DIS3L2: variants seen among roughly 807,000 people sequenced by gnomAD.
DIS3L2 encodes DIS3-like exonuclease 2.
A neutral mutation model predicts 97.5 loss-of-function variants in DIS3L2; 34 were observed. That is an observed-to-expected ratio of 0.35 (90% CI 0.27 to 0.46). The LOEUF (loss-of-function observed/expected upper bound fraction) is 0.46. Among genes scored for constraint, DIS3L2 ranks in the 20% least tolerant of loss-of-function variants. The pLI is 1.00. For missense variants in DIS3L2, 1,038 were observed against 1,146.0 expected (o/e 0.91, Z 1.36); for synonymous variants, 435 against 445.2 (o/e 0.98, Z 0.29).
chr2:232,087,280 C>G (rs1466940217), intron 5 of DIS3L2, among the ~76,000 whole-genome samples: 1 of 152,134 alleles, frequency 6.6e-6, no homozygotes. Context: ...TCCTGAAGAG[C>G]TGAGTGTCAG....
At chr2:232,050,013 G>C (rs1695355073) in intron 5 of DIS3L2, among the ~76,000 whole-genome samples, 1 of 152,174 alleles carries the variant, frequency 6.6e-6, no homozygotes, top group South Asian at 2.1e-4. Flanking sequence ...CACTAGTGAT[G>C]TGGATTCTGC....
intron 1 of DIS3L2, among the ~76,000 whole-genome samples, chr2:231,989,864 G>T (rs1271905265): frequency 2.0e-5 from 3 of 152,062 alleles, no homozygotes; most frequent in Admixed American, 6.6e-5. Context: ...ACAACAAAAA[G>T]ATAAGATGTA....
intron 9 of DIS3L2, among the ~76,000 whole-genome samples, chr2:232,185,057 TCTCTCTGATGGGTAGC>T (rs1691398684): frequency 6.6e-6 from 1 of 152,212 alleles, no homozygotes; most frequent in East Asian, 1.9e-4. Context: ...TATGACTCTG[TCTCTCTGATGGGTAGC>T]AAAGTTCTCA....
intron 12 of DIS3L2, among the ~76,000 whole-genome samples, chr2:232,255,510 A>G (rs117444948): frequency 1.3e-5 from 2 of 152,324 alleles, no homozygotes; most frequent in East Asian, 3.9e-4. Flanking sequence ...AACACTCACA[A>G]GAAAATCTTG....
chr2:232,219,446 C>G (rs1256988053), intron 10 of DIS3L2, among the ~76,000 whole-genome samples: 1 of 152,144 alleles, frequency 6.6e-6, no homozygotes, highest in Non-Finnish European at 1.5e-5. Context: ...CCATGTACTT[C>G]TGTCCTTGTT....
At chr2:232,081,289 C>A (rs150173399) in intron 5 of DIS3L2, among the ~76,000 whole-genome samples, 2 of 152,194 alleles carry the variant, frequency 1.3e-5, no homozygotes, top group African/African-American at 4.8e-5. Context: ...CTGGTCCATC[C>A]ATTATAAAAC....
intron 1 of DIS3L2, among the ~76,000 whole-genome samples, chr2:231,962,144 C>A (rs139218741): frequency 6.4e-4 from 98 of 152,194 alleles, no homozygotes; most frequent in East Asian, 3.9e-3. Flanking sequence ...GGGTCTTGAT[C>A]GAGATGTTCA....
rs1379833839 is a variant in DIS3L2, at chr2:232,343,178, C to T, written c.1582-167C>T. 4.5e-6 allele frequency: 3 copies of T among 663,138 alleles called. No homozygotes were observed. The African/African-American group carries it at 5.5e-5, about 12-fold the overall frequency. 41.1% of individuals were successfully genotyped at this position (663,138 alleles called of 1,614,324 possible). ...ATCAAAGCAGACTGTTGACTAGCTG[C>T]AGGCAAATATGAAGAGGCTATTTCC... is the stretch of plus-strand genomic sequence containing the variant. On this transcript the variant is annotated intron_variant, in intron 13 of 13. Coordinates refer to the DIS3L2 transcript ENST00000273009.
chr2:232,076,565 C>A (rs971796302), intron 5 of DIS3L2, among the ~76,000 whole-genome samples: 2 of 152,130 alleles, frequency 1.3e-5, no homozygotes, highest in Non-Finnish European at 2.9e-5. Context: ...TACATGGCAT[C>A]TCTATTTTGT....
chr2:232,229,554 G>A (rs1048865971), intron 10 of DIS3L2, among the ~76,000 whole-genome samples: 5 of 152,182 alleles, frequency 3.3e-5, no homozygotes, highest in Admixed American at 6.5e-5. Flanking sequence ...CGCCAGCCTC[G>A]CAAGTTCAGC....
intron 13 of DIS3L2, among the ~76,000 whole-genome samples, chr2:232,299,056 C>T (rs1485180755): frequency 1.3e-5 from 2 of 152,242 alleles, no homozygotes; most frequent in Non-Finnish European, 2.9e-5. Flanking sequence ...GTGGATCAGC[C>T]ACCTGACTGG....
At position 232,268,245 on chromosome 2, in the gene DIS3L2, A is replaced by C. The variant is rs1412116052; in HGVS notation, c.1659+4805A>C. On this transcript the variant is annotated intron_variant, in intron 13 of 20. Transcript: ENST00000325385. The surrounding 1 kb of genome is among the most constrained non-coding windows in gnomAD (Gnocchi z 4.1). ...AATTACTCTCAACTCCAGGAGCTTCACAACTGCATCTTGTATAAATCCTAC... is the reference window on the plus strand; with the variant it reads ...AATTACTCTCAACTCCAGGAGCTTCCCAACTGCATCTTGTATAAATCCTAC... Among the ~76,000 whole-genome samples, 1 of 152,240 alleles carries C rather than the reference A, an allele frequency of 6.6e-6. No individual in the cohort carries two copies. Among genetic ancestry groups the C allele is most frequent in the East Asian group, 1.9e-4 (1 of 5,204 alleles).
intron 1 of DIS3L2, among the ~76,000 whole-genome samples, chr2:231,998,002 C>T (rs1693775784): frequency 6.6e-6 from 1 of 152,246 alleles, no homozygotes; most frequent in South Asian, 2.1e-4. Context: ...TCTTTAGTCT[C>T]CTTTAATTTG....
chr2:232,339,462 G>A (rs1052149675), downstream of DIS3L2, among the ~76,000 whole-genome samples: 1 of 152,186 alleles, frequency 6.6e-6, no homozygotes, highest in African/African-American at 2.4e-5. Context: ...TGTCCAGAGA[G>A]GCCTGACAGG....
intron 5 of DIS3L2, among the ~76,000 whole-genome samples, chr2:232,082,512 A>G (rs1174117035): frequency 6.6e-6 from 1 of 152,176 alleles, no homozygotes; most frequent in Non-Finnish European, 1.5e-5. Flanking sequence ...TCTAGGTTGC[A>G]TGCTCCTTAT....
intron 10 of DIS3L2, among the ~76,000 whole-genome samples, chr2:232,225,639 T>C (rs1422392572): frequency 6.6e-6 from 1 of 152,160 alleles, no homozygotes; most frequent in African/African-American, 2.4e-5. Context: ...TGGAACTGGG[T>C]GGTGGTTACC....
At chr2:232,254,831 G>C (rs1005344846) in intron 12 of DIS3L2, among the ~76,000 whole-genome samples, 3 of 152,190 alleles carry the variant, frequency 2.0e-5, no homozygotes, top group African/African-American at 4.8e-5. Flanking sequence ...ATCCAGGAGG[G>C]GCTGTGGGCC....
intron 13 of DIS3L2, among the ~76,000 whole-genome samples, chr2:232,297,737 A>G (rs571777214): frequency 2.4e-5 from 3 of 127,346 alleles, no homozygotes; most frequent in South Asian, 2.4e-4. Flanking sequence ...GACTCTCGCT[A>G]TGTCGCCCAG....
At chr2:232,070,262 G>A (rs1225696910) in intron 5 of DIS3L2, among the ~76,000 whole-genome samples, 5 of 152,206 alleles carry the variant, frequency 3.3e-5, no homozygotes, top group African/African-American at 4.8e-5. Context: ...GTGAGATTCC[G>A]TCTCAAAGAA....
Sources: allele counts gnomAD v4.1 joint callset (sites outside exome capture counted in the v4.1 genomes callset), GRCh38; gene constraint gnomAD v4.1.1; non-coding constraint Gnocchi (gnomAD v3.1); transcripts MANE v1.5; gene names NCBI Gene and HGNC (gene_info 2026-07-23, HGNC 2026-07-21).